Variants in SLC38A9 observed in about 807,000 individuals in gnomAD.
SLC38A9 encodes the protein solute carrier family 38 member 9.
SLC38A9 carries 48 observed loss-of-function variants against 62.3 expected under a neutral mutation model. That is an observed-to-expected ratio of 0.77 (90% CI 0.61 to 0.98). The LOEUF is 0.98. SLC38A9 is among the 50% of genes least tolerant of loss of function. The pLI, the probability that SLC38A9 is intolerant of heterozygous loss-of-function variation, is 0.00. For synonymous variants in SLC38A9, 204 were observed against 227.7 expected, an observed-to-expected ratio of 0.90 and a Z score of 0.94; for missense variants, 541 against 679.8, an observed-to-expected ratio of 0.80 and a Z score of 2.27.
chr5:55,684,945 C>T (rs951882673), intron 3 of SLC38A9, among the ~76,000 whole-genome samples: 3 of 152,188 alleles, frequency 2.0e-5, no homozygotes, highest in East Asian at 1.9e-4. Flanking sequence ...TGAGCCACCA[C>T]GCCTGGCCAA....
At chr5:55,672,880 GC>G in intron 3 of SLC38A9, 185 bp from the exon 4 acceptor site, 1 of 502,992 alleles carries the variant, frequency 2.0e-6, no homozygotes, top group South Asian at 4.9e-5. Flanking sequence ...ACAGAATAAA[GC>G]TTTTGTCTCA....
intron 15 of SLC38A9, 27 bp downstream of exon 15, chr5:55,627,864 G>A (rs1173784333): frequency 7.1e-7 from 1 of 1,401,808 alleles, no homozygotes; most frequent in Non-Finnish European, 1.0e-6. Flanking sequence ...ATATATGTAA[G>A]GGCACCATTC....
intron 2 of SLC38A9, among the ~76,000 whole-genome samples, chr5:55,707,502 G>A (rs983891969): frequency 6.6e-6 from 1 of 152,150 alleles, no homozygotes; most frequent in African/African-American, 2.4e-5. Context: ...CACACGTGTA[G>A]TCCCAGCTAC....
chr5:55,676,920 G>GAACAT (rs1752182944), intron 3 of SLC38A9, among the ~76,000 whole-genome samples: 2 of 151,582 alleles, frequency 1.3e-5, no homozygotes, highest in Non-Finnish European at 2.9e-5. Flanking sequence ...ATTGTTAGAT[G>GAACAT]GTTTTATTGC....
chr5:55,667,510 T>C (rs188723207), intron 7 of SLC38A9, among the ~76,000 whole-genome samples: 1 of 152,286 alleles, frequency 6.6e-6, no homozygotes, highest in East Asian at 1.9e-4. Context: ...TTATGTTGGA[T>C]TTCTTAATAA....
In SLC38A9 at chr5:55,664,786, G is replaced by C; in HGVS notation, c.604C>G (p.Leu202Val). Reference protein sequence around the residue: ...YFGSFGQWSSLLFSLVSLIGA... With the variant: ...YFGSFGQWSSVLFSLVSLIGA... Reference sequence around the variant, plus strand: ...ATGAGAGACACCAAGGAGAAAAGGAGACTCGACCACTGCCCAAAGGAGCCG... The same window carrying C: ...ATGAGAGACACCAAGGAGAAAAGGACACTCGACCACTGCCCAAAGGAGCCG... Residue 202 changes from leucine (L) to valine (V), a missense_variant, in exon 8 of 16, where the codon CTC (leucine) becomes GTC (valine). Physicochemically the swap from Leu to Val is conservative, Grantham distance 32 (BLOSUM62 1). Coordinates refer to ENST00000396865, the MANE Select transcript of SLC38A9 (RefSeq NM_173514.4). The C allele has an allele frequency of 6.3e-7, 1 of 1,596,600 alleles. No homozygotes were observed. The highest frequency in any genetic ancestry group is 8.5e-7 in the Non-Finnish European group (1 of 1,172,696).
Position 55,669,211 on chromosome 5 carries a change from CT to C in SLC38A9, c.526+16del. On this transcript the variant is annotated intron_variant, in intron 7 of 15. Coordinates refer to ENST00000396865, the MANE Select transcript of SLC38A9 (RefSeq NM_173514.4). ...TATTAATACCCATAATCTATTGTCA[CT>C]GTGTCAAATTCTTACACATCATAGT... 1 of 1,580,326 alleles carries C rather than the reference CT, an allele frequency of 6.3e-7. No homozygotes were observed. The highest frequency in any genetic ancestry group is 1.7e-5 in the Admixed American group (1 of 58,814).
chr5:55,652,678 G>A lies in SLC38A9; in HGVS notation c.803C>T (p.Ser268Phe). The A allele has an allele frequency of 6.2e-7, 1 of 1,613,350 alleles. No individual in the cohort carries two copies. Among genetic ancestry groups the A allele is most frequent in the Non-Finnish European group, 8.5e-7 (1 of 1,179,522 alleles). The change falls in exon 10 of 16, where the codon TCT becomes TTT. Residue 268 changes from serine to phenylalanine, a missense_variant. Coordinates refer to ENST00000396865, the MANE Select transcript of SLC38A9 (RefSeq NM_173514.4). ...TGTGTCATTGGCATAGAAAATCATA[G>A]AGCTGTTGTCAGGATGGCCTCCACT... The part of the protein sequence containing the change: ...AGSGGHPDNS[S>F]MIFYANDTGA...
chr5:55,655,910 C>T (rs1055052999), intron 9 of SLC38A9, among the ~76,000 whole-genome samples: 1 of 152,060 alleles, frequency 6.6e-6, no homozygotes, highest in Admixed American at 6.6e-5. Context: ...CTGGATTAAA[C>T]TCATTGGCTC....
chr5:55,635,228 C>T, intron 13 of SLC38A9: 3 of 317,780 alleles, frequency 9.4e-6, no homozygotes, highest in South Asian at 3.4e-5. Context: ...GTACCAGTTC[C>T]CCACAAAAAG....
At chr5:55,630,349 G>T (rs1389939156) in intron 14 of SLC38A9, among the ~76,000 whole-genome samples, 7 of 151,666 alleles carry the variant, frequency 4.6e-5, no homozygotes, top group African/African-American at 1.7e-4. Context: ...ATGGAGTCTC[G>T]CTCTGTCACC....
intron 1 of SLC38A9, among the ~76,000 whole-genome samples, chr5:55,711,840 G>A (rs2150772780): frequency 6.6e-6 from 1 of 152,288 alleles, no homozygotes; most frequent in South Asian, 2.1e-4. Context: ...ATTCCTGCAA[G>A]TCCCACAATT....
intron 10 of SLC38A9, among the ~76,000 whole-genome samples, chr5:55,652,182 A>T (rs952344400): frequency 3.3e-5 from 5 of 151,666 alleles, no homozygotes; most frequent in Non-Finnish European, 7.4e-5. Flanking sequence ...AACATGGTGA[A>T]ATCCCACCTC....
At chr5:55,700,360 C>CAAAA (rs3042053) in intron 2 of SLC38A9, among the ~76,000 whole-genome samples, 13 of 140,046 alleles carry the variant, frequency 9.3e-5, no homozygotes, top group East Asian at 4.2e-4. Flanking sequence ...TAAAACAAGC[C>CAAAA]AAAAAAAAAA....
At chr5:55,682,615 A>C (rs1753183028) in intron 3 of SLC38A9, among the ~76,000 whole-genome samples, 3 of 152,110 alleles carry the variant, frequency 2.0e-5, no homozygotes, top group Admixed American at 6.5e-5. Context: ...TCTCTACAAA[A>C]AATAGAAAAA....
chr5:55,686,120 AT>A (rs1753781496), intron 3 of SLC38A9, among the ~76,000 whole-genome samples: 1 of 152,144 alleles, frequency 6.6e-6, no homozygotes, highest in Non-Finnish European at 1.5e-5. Context: ...ATAACTATTT[AT>A]ATTCCTTTGG....
intron 3 of SLC38A9, among the ~76,000 whole-genome samples, chr5:55,695,841 C>A (rs1304124435): frequency 1.3e-5 from 1 of 77,718 alleles, no homozygotes; most frequent in African/African-American, 3.8e-5. Flanking sequence ...CCAGTAGGGG[C>A]GGCCGGGCAG....
intron 2 of SLC38A9, among the ~76,000 whole-genome samples, chr5:55,705,600 A>G (rs1361246027): frequency 6.6e-6 from 1 of 152,202 alleles, no homozygotes; most frequent in Non-Finnish European, 1.5e-5. Flanking sequence ...TGTCTGCCTT[A>G]AAAAGGAGGA....
intron 2 of SLC38A9, among the ~76,000 whole-genome samples, chr5:55,701,226 G>C (rs575716741): frequency 6.6e-6 from 1 of 152,158 alleles, no homozygotes; most frequent in Non-Finnish European, 1.5e-5. Flanking sequence ...AATATCTCTA[G>C]CCTAAACTTC....
Sources: gnomAD v4.1 joint callset for allele counts (sites outside exome capture counted in the v4.1 genomes callset) on GRCh38, gnomAD v4.1.1 for gene constraint, MANE v1.5 for transcripts, NCBI Gene and HGNC (gene_info 2026-07-23, HGNC 2026-07-21) for gene names.